Variants in PDE9A observed in about 807,000 individuals in gnomAD.
PDE9A encodes the protein high affinity cGMP-specific 3',5'-cyclic phosphodiesterase 9A.
Under a neutral mutation model 87.4 loss-of-function variants are expected in PDE9A, and 60 were observed. The observed-to-expected ratio is 0.69, with a 90% CI of 0.56 to 0.85. The LOEUF is 0.85. PDE9A is among the 40% of genes least tolerant of loss of function. PDE9A has a pLI of 0.00. For missense variants in PDE9A, 665 were observed against 779.0 expected (o/e 0.85, Z 1.74); for synonymous variants, 272 against 279.4 (o/e 0.97, Z 0.27).
chr21:42,670,438 A>G (rs1238599131), intron 1 of PDE9A, among the ~76,000 whole-genome samples: 2 of 151,232 alleles, frequency 1.3e-5, no homozygotes, highest in Admixed American at 6.6e-5. Context: ...AGTCACACAT[A>G]CACTTATACA....
At chr21:42,686,156 C>A (rs1186800591) in intron 1 of PDE9A, 36 bp from the exon 2 acceptor site, 2 of 1,567,452 alleles carry the variant, frequency 1.3e-6, no homozygotes, top group Non-Finnish European at 8.8e-7. Context: ...AGACCCGCCG[C>A]CCTCGCTGCC....
chr21:42,745,754 C>G lies in PDE9A; in HGVS notation c.653+1894C>G, dbSNP rs184089176. Among the ~76,000 whole-genome samples the G allele has an allele frequency of 9.6e-4, 147 of 152,366 alleles. 4 individuals are homozygous for G. The highest frequency in any genetic ancestry group is 3.7e-3 in the East Asian group (19 of 5,182). On this transcript the variant is annotated intron_variant, in intron 8 of 19. Coordinates refer to ENST00000291539, the MANE Select transcript of PDE9A (RefSeq NM_002606.3). ...GGCAGGGTTCCCCTCTGCCCAGAGCCAGGCGGAGATGGGTGGCCTCAAGCT... is the reference window on the plus strand; with the variant it reads ...GGCAGGGTTCCCCTCTGCCCAGAGCGAGGCGGAGATGGGTGGCCTCAAGCT...
intron 1 of PDE9A, among the ~76,000 whole-genome samples, chr21:42,677,638 C>T (rs1274886959): frequency 6.8e-6 from 1 of 147,296 alleles, no homozygotes; most frequent in African/African-American, 2.7e-5. Flanking sequence ...AGTTGCCATC[C>T]AGTTATCTTT....
At position 42,711,424 on chromosome 21, in the gene PDE9A, T is replaced by G. The variant is rs144350628; in HGVS notation, c.262+12413T>G. Among the ~76,000 whole-genome samples, 1,290 of 152,112 alleles carry G rather than the reference T, an allele frequency of 8.5e-3. 25 individuals are homozygous for G. Among genetic ancestry groups the G allele is most frequent in the African/African-American group, 0.03 (1,241 of 41,466 alleles). On this transcript the variant is annotated intron_variant, in intron 4 of 19. Coordinates refer to ENST00000291539, the MANE Select transcript of PDE9A (RefSeq NM_002606.3). ...TGCCACCACGCCTGGCTAATTTTTT[T>G]GTATTTTTAGTAGAGATGGGGTTTC...
At chr21:42,653,908 C>G in intron 1 of PDE9A, 25 bp downstream of exon 1, 2 of 1,350,312 alleles carry the variant, frequency 1.5e-6, no homozygotes, top group Non-Finnish European at 2.0e-6. Context: ...ACCCAGACAC[C>G]CCCTCCTCCC....
intron 19 of PDE9A, 59 bp from the exon 20 acceptor site, chr21:42,775,221 T>G: frequency 5.3e-5 from 83 of 1,576,042 alleles, no homozygotes; most frequent in Middle Eastern, 1.7e-4. Flanking sequence ...ATTAAAGGTG[T>G]GAGCCACCGC....
At chr21:42,769,925 T>A (rs556692237) in intron 17 of PDE9A, among the ~76,000 whole-genome samples, 1 of 152,270 alleles carries the variant, frequency 6.6e-6, no homozygotes, top group South Asian at 2.1e-4. Flanking sequence ...CTGCACTCCC[T>A]GCCTTGCCTT....
At chr21:42,729,306 C>T (rs896823536) in intron 4 of PDE9A, among the ~76,000 whole-genome samples, 7 of 152,180 alleles carry the variant, frequency 4.6e-5, no homozygotes, top group South Asian at 2.1e-4. Context: ...CCCGTATTAT[C>T]CTTTTGATGT....
intron 1 of PDE9A, among the ~76,000 whole-genome samples, chr21:42,662,771 C>G (rs968637991): frequency 7.9e-6 from 1 of 127,162 alleles, no homozygotes; most frequent in Non-Finnish European, 1.5e-5. Flanking sequence ...CACACAAGGA[C>G]ACACACCACA....
In PDE9A at chr21:42,732,177, A is replaced by G. The variant is rs1027729846; in HGVS notation, c.497+53A>G. On this transcript the variant is annotated intron_variant, in intron 6 of 19. Coordinates refer to ENST00000291539, the MANE Select transcript of PDE9A (RefSeq NM_002606.3). ...GCCAGAGATGGGCACATCTTTCTCT[A>G]AGAGCGAGGGCAGGCCCCAGGCTCT... 3.9e-6 allele frequency: 6 copies of G among 1,541,790 alleles called. No homozygotes were observed. The African/African-American group carries it at 5.4e-5, about 14-fold the overall frequency.
chr21:42,752,546 G>A (rs2054547572), intron 9 of PDE9A, among the ~76,000 whole-genome samples: 1 of 152,202 alleles, frequency 6.6e-6, no homozygotes, highest in African/African-American at 2.4e-5. Flanking sequence ...TGGGATTACA[G>A]GCGTAAGCCA....
chr21:42,689,624 T>G, intron 3 of PDE9A: 1 of 985,440 alleles, frequency 1.0e-6, no homozygotes, highest in South Asian at 4.7e-5. Context: ...CAGAGACATT[T>G]AAACTCGGCG....
At chr21:42,718,515 C>T (rs948418374) in intron 4 of PDE9A, among the ~76,000 whole-genome samples, 1 of 151,274 alleles carries the variant, frequency 6.6e-6, no homozygotes, top group African/African-American at 2.4e-5. Flanking sequence ...GTTGACCTGT[C>T]CTTGATTTCC....
chr21:42,715,155 C>A (rs1438726361), intron 4 of PDE9A, among the ~76,000 whole-genome samples: 1 of 146,060 alleles, frequency 6.8e-6, no homozygotes, highest in African/African-American at 2.5e-5. Context: ...TATTTTTCCT[C>A]GGCTGTTGTA....
intron 9 of PDE9A, among the ~76,000 whole-genome samples, chr21:42,752,163 C>G (rs866879107): frequency 1.3e-5 from 2 of 152,186 alleles, no homozygotes; most frequent in Non-Finnish European, 2.9e-5. Context: ...GATGGCAGAG[C>G]CTTCCACAGC....
At chr21:42,742,200 C>G (rs540580350) in intron 7 of PDE9A, among the ~76,000 whole-genome samples, 1 of 152,154 alleles carries the variant, frequency 6.6e-6, no homozygotes. Context: ...GACTCTGTAA[C>G]TGCCCAAGGG....
chr21:42,750,742 A>G (rs1026632476), intron 8 of PDE9A, among the ~76,000 whole-genome samples: 6 of 150,972 alleles, frequency 4.0e-5, no homozygotes, highest in African/African-American at 7.3e-5. Context: ...CGCCCAGCTA[A>G]TTTTTGTATT....
intron 10 of PDE9A, chr21:42,757,863 TCC>T (rs1285313978): frequency 6.6e-6 from 1 of 152,242 alleles, no homozygotes; most frequent in Non-Finnish European, 1.5e-5. Context: ...CTTCATTACC[TCC>T]GTAAAGGCCC....
intron 14 of PDE9A, among the ~76,000 whole-genome samples, chr21:42,763,635 T>C (rs1009194624): frequency 7.9e-5 from 12 of 152,176 alleles, no homozygotes; most frequent in Admixed American, 6.5e-4. Context: ...TGGTACTTTG[T>C]GTGGCGGCCC....
Sources: gnomAD v4.1 joint callset for allele counts (sites outside exome capture counted in the v4.1 genomes callset) on GRCh38, gnomAD v4.1.1 for gene constraint, MANE v1.5 for transcripts, NCBI Gene and HGNC (gene_info 2026-07-23, HGNC 2026-07-21) for gene names.